The following CCDC154 variants were observed in gnomAD, a reference collection of about 807,000 sequenced individuals.
CCDC154 encodes the protein coiled-coil domain containing 154, also known as coiled-coil domain-containing protein 154.
Under a neutral mutation model 87.5 loss-of-function variants are expected in CCDC154, and 91 were observed. The ratio of observed to expected loss-of-function variants is 1.04; its 90% CI spans 0.88 to 1.24. The LOEUF is 1.24. Ranked by LOEUF, CCDC154 falls within the 50% of genes most tolerant of loss-of-function variation. CCDC154 has a pLI of 0.00. For synonymous variants in CCDC154, 418 were observed against 400.4 expected, an observed-to-expected ratio of 1.04 and a Z score of -0.52; for missense variants, 903 against 879.2, an observed-to-expected ratio of 1.03 and a Z score of -0.34.
Position 1,444,345 on chromosome 16 carries a change from C to G in CCDC154, c.-23G>C, listed in dbSNP as rs1190671722. ...CATGGCTGCTGGGCTGCACCGGCCA[C>G]CCTGCCCTCGGCTGTAGCTTGGGCC... On this transcript the variant is annotated 5_prime_UTR_variant, in exon 1 of 17. Coordinates refer to ENST00000389176, the MANE Select transcript of CCDC154 (RefSeq NM_001143980.3). 3.1e-6 allele frequency: 4 copies of G among 1,300,828 alleles called. No homozygotes were observed. In the South Asian group the frequency reaches 4.9e-5, roughly 16 times the overall value. 80.6% of individuals were successfully genotyped at this position (1,300,828 alleles called of 1,614,324 possible). A position where few individuals can be genotyped will look rare whatever the true frequency, so the allele number is the denominator to read the frequency against.
intron 6 of CCDC154, 40 bp from the exon 7 acceptor site, chr16:1,439,166 G>A (rs773046038): frequency 5.9e-6 from 9 of 1,518,294 alleles, no homozygotes; most frequent in Non-Finnish European, 8.0e-6. Flanking sequence ...AGCCTCTGCT[G>A]GACACGCAGC....
Position 1,439,808 on chromosome 16 carries a change from C to CA in CCDC154, c.676-683dup, listed in dbSNP as rs558379261. 2.7e-3 allele frequency among the ~76,000 whole-genome samples: 410 copies of CA among 152,272 alleles called. 3 individuals carry two copies. Among genetic ancestry groups the CA allele is most frequent in the African/African-American group, 9.6e-3 (398 of 41,556 alleles). ...CTCAGCATGGCGGTTACAGCCCCCA[C>CA]AGTAGACATTGACAACATGTAAAAA... On this transcript the variant is annotated intron_variant, in intron 6 of 16. Coordinates refer to ENST00000389176, the MANE Select transcript of CCDC154 (RefSeq NM_001143980.3).
At position 1,437,542 on chromosome 16, in the gene CCDC154, C is replaced by T. The variant is rs574099766; in HGVS notation, c.1290+275G>A. On this transcript the variant is annotated intron_variant, in intron 11 of 16. Transcript: ENST00000389176. ...GGTGGAGGCCGCTTGTCTGCCCCGC[C>T]GTGAGCTGCCCGCATGGCCGGGCCG... The T allele has an allele frequency of 1.1e-5, 5 of 438,338 alleles. No individual in the cohort carries two copies. In the South Asian group the frequency reaches 2.3e-4, roughly 20 times the overall value. 27.2% of individuals were successfully genotyped at this position (438,338 alleles called of 1,614,324 possible). A position where few individuals can be genotyped will look rare whatever the true frequency, so the allele number is the denominator to read the frequency against.
chr16:1,443,021 A>T, intron 4 of CCDC154, 46 bp from the exon 5 acceptor site: 2 of 1,544,792 alleles, frequency 1.3e-6, no homozygotes, highest in Non-Finnish European at 1.8e-6. Context: ...CGGGCTGAGC[A>T]GCCTCGGCGG....
At chr16:1,434,906 TGGC>T in intron 15 of CCDC154, 54 bp from the exon 16 acceptor site, 1 of 1,459,832 alleles carries the variant, frequency 6.9e-7, no homozygotes, top group Non-Finnish European at 9.0e-7. Flanking sequence ...GGGCAGGGGA[TGGC>T]AAACGGGGGC....
In CCDC154 at chr16:1,436,721, G is replaced by A. The variant is rs1435477946; in HGVS notation, c.1381C>T (p.Arg461Trp). 1.3e-5 allele frequency: 20 copies of A among 1,550,074 alleles called. No individual in the cohort carries two copies. Among genetic ancestry groups the A allele is most frequent in the Middle Eastern group, 3.3e-4 (2 of 6,010 alleles). ...KEVTEHLRGV[R>W]EKVDGLPQQI... ...TGGGGGAGGCCATCCACCTTCTCCC[G>A]CACCCCTCGCAGGTGTTCGGTCACC... The change falls in exon 12 of 17, where the codon CGG becomes TGG. Residue 461 changes from arginine (R) to tryptophan (W), a missense_variant. Physicochemically the swap from Arg to Trp is moderately radical, Grantham distance 101. Transcript: ENST00000389176.
chr16:1,440,909 C>T (rs925212456), intron 6 of CCDC154, among the ~76,000 whole-genome samples: 63 of 151,144 alleles, frequency 4.2e-4, no homozygotes, highest in African/African-American at 1.4e-3. Flanking sequence ...CGAGATCGTG[C>T]CACTGCACTC....
In CCDC154 at chr16:1,444,332, G is replaced by T. The variant is rs2038590704; in HGVS notation, c.-10C>A. On this transcript the variant is annotated 5_prime_UTR_variant, in exon 1 of 17. Coordinates refer to ENST00000389176, the MANE Select transcript of CCDC154 (RefSeq NM_001143980.3). ...TCTGGTCACCTGACATGGCTGCTGGGCTGCACCGGCCACCCTGCCCTCGGC... is the reference window on the plus strand; with the variant it reads ...TCTGGTCACCTGACATGGCTGCTGGTCTGCACCGGCCACCCTGCCCTCGGC... 7.7e-7 allele frequency: 1 copy of T among 1,301,814 alleles called. No homozygotes were observed. Among genetic ancestry groups the T allele is most frequent in the African/African-American group, 1.5e-5 (1 of 65,982 alleles). 80.6% of individuals were successfully genotyped at this position (1,301,814 alleles called of 1,614,324 possible). A position where few individuals can be genotyped will look rare whatever the true frequency, so the allele number is the denominator to read the frequency against.
chr16:1,444,125 G>C, intron 1 of CCDC154, 113 bp from the exon 2 acceptor site: 1 of 1,015,842 alleles, frequency 9.8e-7, no homozygotes. Flanking sequence ...AGAGCTCAAC[G>C]CGTCTCCTTG....
intron 6 of CCDC154, among the ~76,000 whole-genome samples, chr16:1,439,539 G>A (rs1238728569): frequency 1.3e-5 from 2 of 151,636 alleles, no homozygotes; most frequent in African/African-American, 2.4e-5. Flanking sequence ...CTTTCCTGCC[G>A]CCCTGAAGGG....
At chr16:1,436,957 T>C in intron 11 of CCDC154, 146 bp from the exon 12 acceptor site, 11 of 1,172,082 alleles carry the variant, frequency 9.4e-6, no homozygotes, top group Non-Finnish European at 1.1e-5. Flanking sequence ...TGCAGGCGGC[T>C]GGGATGGCCT....
rs909573738 is a variant in CCDC154, at chr16:1,435,071, C to T, written c.1692+18G>A. On this transcript the variant is annotated intron_variant, in intron 15 of 16. Transcript: ENST00000389176. ...CGGGTGGGAGCTGGGCGGTGCCGGC[C>T]GGGCAAGGCCTCCTCACCAGCCGGG... 25 of 1,546,652 alleles carry T rather than the reference C, an allele frequency of 1.6e-5. No homozygotes were observed. Among genetic ancestry groups the T allele is most frequent in the African/African-American group, 6.9e-5 (5 of 72,956 alleles).
chr16:1,438,492 C>T (rs1035008893), intron 9 of CCDC154, 127 bp downstream of exon 9: 21 of 914,714 alleles, frequency 2.3e-5, no homozygotes, highest in African/African-American at 2.2e-4. Flanking sequence ...CTGCAGCCCT[C>T]GGGGTCGAGC....
chr16:1,441,046 G>C (rs1480703174), intron 6 of CCDC154, among the ~76,000 whole-genome samples: 1 of 152,154 alleles, frequency 6.6e-6, no homozygotes, highest in Non-Finnish European at 1.5e-5. Context: ...TTGAGCCTGG[G>C]GGGTTGAGGC....
Position 1,442,933 on chromosome 16 carries a change from C to T in CCDC154, c.498G>A (p.Arg166=). The change falls in exon 5 of 17, where the codon AGG becomes AGA. Residue 166 remains arginine, a synonymous_variant. Transcript: ENST00000389176. ...VREALTRLRR[R]QVQQEAERRG... ...TTCTCTCCGCCTCCTGTTGCACCTGCCTCCTCCTGAGCCGGGTCAAGGCTT... is the reference window on the plus strand; with the variant it reads ...TTCTCTCCGCCTCCTGTTGCACCTGTCTCCTCCTGAGCCGGGTCAAGGCTT... The T allele has an allele frequency of 6.5e-7, 1 of 1,550,070 alleles. No homozygotes were observed. Among genetic ancestry groups the T allele is most frequent in the South Asian group, 1.2e-5 (1 of 84,066 alleles).
At chr16:1,442,594 C>T in intron 5 of CCDC154, 65 bp from the exon 6 acceptor site, 1 of 1,457,614 alleles carries the variant, frequency 6.9e-7, no homozygotes. Flanking sequence ...GTGAGGCTGA[C>T]CCACAGGCTG....
In CCDC154 at chr16:1,435,326, A is replaced by T. The variant is rs1054111888; in HGVS notation, c.1606-151T>A. 7.4e-5 allele frequency: 51 copies of T among 690,200 alleles called. No individual in the cohort carries two copies. The African/African-American group carries it at 8.5e-4, about 12-fold the overall frequency. 42.8% of individuals were successfully genotyped at this position (690,200 alleles called of 1,614,324 possible). ...GGTCCTCGTCCCCACTGCAGGGCCC[A>T]GGACAAGCTCCGCTGAGGAAGCGGC... On this transcript the variant is annotated intron_variant, in intron 14 of 16. Transcript: ENST00000389176.
Position 1,436,435 on chromosome 16 carries a change from G to T in CCDC154, c.1487+10C>A. ...GCCCCTGCCCCTCTCCCAGGGCCTG[G>T]AGGCTGTACCTGGCCTTGCCTTCGG... On this transcript the variant is annotated intron_variant, in intron 13 of 16. Coordinates refer to ENST00000389176, the MANE Select transcript of CCDC154 (RefSeq NM_001143980.3). 1.3e-6 allele frequency: 2 copies of T among 1,547,046 alleles called. No homozygotes were observed. Among genetic ancestry groups the T allele is most frequent in the Non-Finnish European group, 1.7e-6 (2 of 1,146,248 alleles).
intron 6 of CCDC154, among the ~76,000 whole-genome samples, chr16:1,441,398 G>C (rs1304274685): frequency 6.6e-6 from 1 of 152,230 alleles, no homozygotes; most frequent in Non-Finnish European, 1.5e-5. Context: ...CGTACTGCCT[G>C]ATGCGCACGG....
Sources: allele counts gnomAD v4.1 joint callset (sites outside exome capture counted in the v4.1 genomes callset), GRCh38; gene constraint gnomAD v4.1.1; transcripts MANE v1.5; gene names NCBI Gene and HGNC (gene_info 2026-07-23, HGNC 2026-07-21).